The following PPFIA2 variants were observed in gnomAD, a reference collection of about 807,000 sequenced individuals.
The protein encoded by PPFIA2 is liprin-alpha-2.
PPFIA2 carries 46 observed loss-of-function variants against 175.5 expected under a neutral mutation model. The observed-to-expected ratio is 0.26, with a 90% CI of 0.21 to 0.34. The LOEUF (loss-of-function observed/expected upper bound fraction) is 0.34. PPFIA2 is among the 10% of genes least tolerant of loss of function. The pLI, the probability that PPFIA2 is intolerant of heterozygous loss-of-function variation, is 1.00. For synonymous variants in PPFIA2, 568 were observed against 511.4 expected, an observed-to-expected ratio of 1.11 and a Z score of -1.49; for missense variants, 1,179 against 1,506.1, an observed-to-expected ratio of 0.78 and a Z score of 3.60.
At chr12:81,370,459 A>C (rs1174463453) in intron 11 of PPFIA2, among the ~76,000 whole-genome samples, 1 of 151,880 alleles carries the variant, frequency 6.6e-6, no homozygotes, top group Non-Finnish European at 1.5e-5. Flanking sequence ...TTTAATTAGA[A>C]ATTTTAAATG....
chr12:81,715,618 T>C (rs1054818287), intron 3 of PPFIA2, among the ~76,000 whole-genome samples: 1 of 151,758 alleles, frequency 6.6e-6, no homozygotes, highest in Non-Finnish European at 1.5e-5. Context: ...TCAGTTTCCA[T>C]GAATATAAAC....
intron 4 of PPFIA2, among the ~76,000 whole-genome samples, chr12:81,596,995 T>A (rs1299209306): frequency 1.3e-5 from 2 of 151,990 alleles, no homozygotes; most frequent in African/African-American, 2.4e-5. Flanking sequence ...TATTTAGAGA[T>A]CCCTTCAAAA....
chr12:81,558,373 T>C (rs1302989337), intron 4 of PPFIA2, among the ~76,000 whole-genome samples: 1 of 152,210 alleles, frequency 6.6e-6, no homozygotes, highest in East Asian at 1.9e-4. Flanking sequence ...GTGATCTACA[T>C]TTCTTTATCC....
rs563405429 is a variant in PPFIA2, at chr12:81,663,225, A to G, written c.303+13566T>C. On this transcript the variant is annotated intron_variant, in intron 4 of 32. Transcript: ENST00000549396. ...AGGAGGAGGAAATAAAGGGTATTCAATTAGGAAAAGAGGAAGTCAAATTGT... is the reference window on the plus strand; with the variant it reads ...AGGAGGAGGAAATAAAGGGTATTCAGTTAGGAAAAGAGGAAGTCAAATTGT... 3.9e-5 allele frequency among the ~76,000 whole-genome samples: 6 copies of G among 152,294 alleles called. No individual in the cohort carries two copies. The South Asian group carries it at 8.3e-4, about 21-fold the overall frequency.
intron 4 of PPFIA2, among the ~76,000 whole-genome samples, chr12:81,582,140 C>T (rs1041557534): frequency 2.6e-5 from 4 of 151,766 alleles, no homozygotes; most frequent in African/African-American, 7.3e-5. Flanking sequence ...CTTATTGATT[C>T]ATATTTATAT....
chr12:81,563,318 AACACG>A (rs2070592765), intron 4 of PPFIA2, among the ~76,000 whole-genome samples: 2 of 152,172 alleles, frequency 1.3e-5, no homozygotes, highest in African/African-American at 4.8e-5. Flanking sequence ...AGGATTTACT[AACACG>A]TGCTTTTCAT....
intron 4 of PPFIA2, among the ~76,000 whole-genome samples, chr12:81,665,779 T>C (rs1009272424): frequency 6.6e-6 from 1 of 151,936 alleles, no homozygotes; most frequent in Non-Finnish European, 1.5e-5. Context: ...CTAATTAAAC[T>C]AAAGAGCTTC....
chr12:81,282,410 T>A (rs572977457), intron 26 of PPFIA2, among the ~76,000 whole-genome samples: 108 of 152,224 alleles, frequency 7.1e-4, no homozygotes, highest in Admixed American at 2.8e-3. Context: ...TTTCTTATAT[T>A]GAAAGGTTTC....
chr12:81,426,669 T>G (rs2047191728), intron 7 of PPFIA2, among the ~76,000 whole-genome samples: 1 of 143,278 alleles, frequency 7.0e-6, no homozygotes, highest in Non-Finnish European at 1.5e-5. Context: ...CCATCTTATT[T>G]ATTTATTTAT....
chr12:81,458,862 T>A (rs1159693393), intron 4 of PPFIA2, among the ~76,000 whole-genome samples: 1 of 152,168 alleles, frequency 6.6e-6, no homozygotes, highest in Non-Finnish European at 1.5e-5. Flanking sequence ...CTGATGCTTA[T>A]CAAATATTTA....
Position 81,754,092 on chromosome 12 carries a change from G to T in PPFIA2, c.130C>A (p.Arg44Ser), listed in dbSNP as rs775868568. 2 of 1,613,830 alleles carry T rather than the reference G, an allele frequency of 1.2e-6. No homozygotes were observed. Among genetic ancestry groups the T allele is most frequent in the Non-Finnish European group, 1.7e-6 (2 of 1,179,842 alleles). Residue 44 changes from arginine (R) to serine (S), a missense_variant, in exon 3 of 33, where the codon CGT (arginine) becomes AGT (serine). Around this residue, in one of 10 missense-constraint regions of PPFIA2, gnomAD observed 128 missense variants for 141.4 expected, o/e 0.91. Coordinates refer to ENST00000549396, the MANE Select transcript of PPFIA2 (RefSeq NM_003625.5). ...GTCTCCCGAAGGGTGTCTAGAAGAC[G>T]ATCCCTTTCATCTAGCATATTCACC... ...LMVNMLDERD[R>S]LLDTLRETQE...
At chr12:81,290,257 T>TA (rs34420766) in intron 24 of PPFIA2, among the ~76,000 whole-genome samples, 125,617 of 147,722 alleles carry the variant, frequency 0.85, 53,808 homozygotes, top group East Asian at 0.98. Flanking sequence ...ATAACTTTGT[T>TA]AAAAAAAAAA....
chr12:81,576,183 A>G (rs2073509542), intron 4 of PPFIA2, among the ~76,000 whole-genome samples: 2 of 151,632 alleles, frequency 1.3e-5, no homozygotes, highest in Admixed American at 1.3e-4. Flanking sequence ...GTCCTTCAAT[A>G]AAGCAGAAGA....
intron 4 of PPFIA2, among the ~76,000 whole-genome samples, chr12:81,536,974 C>G (rs1236048619): frequency 6.6e-6 from 1 of 150,832 alleles, no homozygotes; most frequent in Non-Finnish European, 1.5e-5. Flanking sequence ...CGGTTATTGA[C>G]AGGTTTATGG....
intron 4 of PPFIA2, among the ~76,000 whole-genome samples, chr12:81,533,564 GA>G (rs1488826910): frequency 6.6e-6 from 1 of 151,436 alleles, no homozygotes; most frequent in Non-Finnish European, 1.5e-5. Flanking sequence ...GGCAGAAACT[GA>G]ATTTGGATGC....
chr12:81,612,783 G>T (rs983731626), intron 4 of PPFIA2, among the ~76,000 whole-genome samples: 1 of 152,142 alleles, frequency 6.6e-6, no homozygotes. Context: ...GTACATAGAT[G>T]TGTCATATAT....
intron 3 of PPFIA2, among the ~76,000 whole-genome samples, chr12:81,749,043 G>C (rs749129516): frequency 2.1e-5 from 3 of 143,830 alleles, no homozygotes; most frequent in Non-Finnish European, 3.1e-5. Context: ...AGTCTTCTTT[G>C]TACAAAGTAG....
At chr12:81,400,522 CT>C (rs1453405475) in intron 8 of PPFIA2, among the ~76,000 whole-genome samples, 1 of 152,070 alleles carries the variant, frequency 6.6e-6, no homozygotes, top group African/African-American at 2.4e-5. Flanking sequence ...GCTTTATGTA[CT>C]TTTTTGTCCA....
chr12:81,754,784 T>A (rs970765387), intron 2 of PPFIA2, among the ~76,000 whole-genome samples: 1 of 152,198 alleles, frequency 6.6e-6, no homozygotes, highest in Non-Finnish European at 1.5e-5. Flanking sequence ...AATCAGCTTT[T>A]ACTTTGTTTT....
Sources: gnomAD v4.1 joint callset for allele counts (sites outside exome capture counted in the v4.1 genomes callset) on GRCh38, gnomAD v4.1.1 for gene constraint, gnomAD v4.1.1 regional missense constraint, MANE v1.5 for transcripts, NCBI Gene and HGNC (gene_info 2026-07-23, HGNC 2026-07-21) for gene names.